The following RYR1 variants were observed in gnomAD, a reference collection of about 807,000 sequenced individuals.
RYR1 encodes ryanodine receptor 1.
In RYR1, 342 loss-of-function variants were observed where a neutral mutation model predicts 583.5. The ratio of observed to expected loss-of-function variants is 0.59; its 90% CI spans 0.54 to 0.64. The LOEUF is 0.64. RYR1 is among the 30% of genes least tolerant of loss of function. The pLI, the probability that RYR1 is intolerant of heterozygous loss-of-function variation, is 0.00. For missense variants in RYR1, 6,032 were observed against 6,917.2 expected, an observed-to-expected ratio of 0.87 and a Z score of 4.54; for synonymous variants, 2,791 against 2,822.5, an observed-to-expected ratio of 0.99 and a Z score of 0.35.
chr19:38,537,839 A>C (rs199660436), intron 83 of RYR1, 41 bp from the exon 84 acceptor site: 1 of 1,587,814 alleles, frequency 6.3e-7, no homozygotes, highest in East Asian at 2.2e-5. Context: ...GTCTTGGCGC[A>C]TCTGACCCCT....
In RYR1 at chr19:38,511,586, G is replaced by T; in HGVS notation, c.9148G>T (p.Val3050Phe). ...TSLFCKLAAL[V>F]RHRVSLFGTD... is the part of the protein sequence containing the mutation. The stretch of plus-strand genomic sequence containing the variant: ...CCTCTTCTGCAAACTTGCTGCTCTC[G>T]TCCGCCACCGAGTCTCTCTCTTTGG... The change falls in exon 61 of 106, where the codon GTC becomes TTC. Residue 3050 changes from valine (V) to phenylalanine (F), a missense_variant. Physicochemically the swap from Val to Phe is conservative, Grantham distance 50 (BLOSUM62 -1). Transcript: ENST00000359596. The T allele has an allele frequency of 1.2e-6, 2 of 1,613,694 alleles. No individual in the cohort carries two copies.
Position 38,473,710 on chromosome 19 carries a change from G to T in RYR1, c.4099G>T (p.Ala1367Ser). 6.5e-7 allele frequency: 1 copy of T among 1,548,896 alleles called. No homozygotes were observed. Among genetic ancestry groups the T allele is most frequent in the African/African-American group, 1.4e-5 (1 of 73,130 alleles). The change falls in exon 28 of 106, where the codon GCG becomes TCG. Residue 1367 changes from alanine (A) to serine (S), a missense_variant. This residue lies in a region of RYR1 where 2,627 missense variants were observed against 2,961.3 expected (regional missense o/e 0.89). Transcript: ENST00000359596. ...PGGTPQAGGE[A>S]QPARAENEKD... ...GGGCACCCCGCAGGCGGGGGGAGAGGCGCAGCCCGCCAGGGCGGAGAATGA... is the reference window on the plus strand; with the variant it reads ...GGGCACCCCGCAGGCGGGGGGAGAGTCGCAGCCCGCCAGGGCGGAGAATGA...
At chr19:38,537,671 G>A (rs550238244) in intron 83 of RYR1, among the ~76,000 whole-genome samples, 6 of 152,284 alleles carry the variant, frequency 3.9e-5, no homozygotes, top group South Asian at 2.1e-4. Flanking sequence ...TTGGGTCTCC[G>A]TCTGCTGATG....
rs202225176 is a variant in RYR1 at position 38,485,942 on chromosome 19, C to T, written c.5287C>T (p.Pro1763Ser). 2.6e-5 allele frequency: 42 copies of T among 1,613,714 alleles called. No homozygotes were observed. The East Asian group carries it at 8.7e-4, about 33-fold the overall frequency. The part of the protein sequence containing the change: ...TENGHPRHGL[P>S]GVGVTTSLRP... Reference sequence around the variant, plus strand: ...AAATGGTCACCCCCGGCATGGCCTGCCGGGAGTTGGAGTCACCACTTCGCT... The same window carrying T: ...AAATGGTCACCCCCGGCATGGCCTGTCGGGAGTTGGAGTCACCACTTCGCT... The change falls in exon 34 of 106, where the codon CCG (proline) becomes TCG (serine). Residue 1763 changes from proline to serine, a missense_variant. Physicochemically the swap from Pro to Ser is moderately conservative, Grantham distance 74. Transcript: ENST00000359596.
Position 38,473,512 on chromosome 19 carries a change from C to T in RYR1, c.3901C>T (p.Arg1301Cys), listed in dbSNP as rs745920741. ...CCCAGTCCAGTTCCACCAGCACTTCCGCTGCACTGCAGGGGCCACCCCGCT... is the reference window on the plus strand; with the variant it reads ...CCCAGTCCAGTTCCACCAGCACTTCTGCTGCACTGCAGGGGCCACCCCGCT... Reference protein sequence around the residue: ...SLPVQFHQHFRCTAGATPLAP... With the variant: ...SLPVQFHQHFCCTAGATPLAP... Residue 1301 changes from arginine to cysteine, a missense_variant, in exon 28 of 106, where the codon CGC becomes TGC. Transcript: ENST00000359596. 2.7e-5 allele frequency: 44 copies of T among 1,613,142 alleles called. No individual in the cohort carries two copies. Among genetic ancestry groups the T allele is most frequent in the Admixed American group, 5.0e-5 (3 of 59,902 alleles).
Position 38,486,188 on chromosome 19 carries a change from G to A in RYR1, c.5533G>A (p.Val1845Met), listed in dbSNP as rs926669024. ...EFQFVPVLKL[V>M]STLLVMGIFG... is the part of the protein sequence containing the mutation. ...CCAGTTTGTGCCTGTGCTCAAGCTCGTGTCCACCCTGCTGGTAATGGCTTC... is the reference window on the plus strand; with the variant it reads ...CCAGTTTGTGCCTGTGCTCAAGCTCATGTCCACCCTGCTGGTAATGGCTTC... The change falls in exon 34 of 106, where the codon GTG becomes ATG. Residue 1845 changes from valine (V) to methionine (M), a missense_variant. Around this residue, in one of 11 missense-constraint regions of RYR1, gnomAD observed 2,627 missense variants for 2,961.3 expected, o/e 0.89. Coordinates refer to ENST00000359596, the MANE Select transcript of RYR1 (RefSeq NM_000540.3). The A allele has an allele frequency of 3.7e-6, 6 of 1,612,790 alleles. No homozygotes were observed. The highest frequency in any genetic ancestry group is 5.1e-6 in the Non-Finnish European group (6 of 1,179,954).
Position 38,572,071 on chromosome 19 carries a change from A to T in RYR1, c.13799A>T (p.Asp4600Val), listed in dbSNP as rs929800544. The change falls in exon 95 of 106, where the codon GAT (aspartate) becomes GTT (valine). Residue 4600 changes from aspartate to valine, a missense_variant. By Grantham distance (152) the Asp-to-Val change is radical. Transcript: ENST00000359596. ...EDDMEGSAAG[D>V]VSGAGSGGSS... ...GACATGGAAGGCTCAGCTGCTGGGG[A>T]TGTGTCAGGTGCAGGCTCTGGTGGC... 2.0e-5 allele frequency: 33 copies of T among 1,613,944 alleles called. No homozygotes were observed. Among genetic ancestry groups the T allele is most frequent in the Non-Finnish European group, 2.8e-5 (33 of 1,180,026 alleles).
chr19:38,526,190 G>A (rs1470604608), intron 71 of RYR1, among the ~76,000 whole-genome samples: 1 of 151,882 alleles, frequency 6.6e-6, no homozygotes, highest in African/African-American at 2.4e-5. Flanking sequence ...AACCTCTTAA[G>A]CTTGCTGGGA....
Position 38,525,376 on chromosome 19 carries a change from G to C in RYR1, c.10500G>C (p.Gly3500=). The C allele has an allele frequency of 6.2e-7, 1 of 1,613,950 alleles. No homozygotes were observed. The highest frequency in any genetic ancestry group is 8.5e-7 in the Non-Finnish European group (1 of 1,179,954). The change falls in exon 71 of 106, where the codon GGG becomes GGC. Residue 3500 remains glycine (G), a synonymous_variant. Coordinates refer to ENST00000359596, the MANE Select transcript of RYR1 (RefSeq NM_000540.3). ...AACGCACCAAGAAGAAGCGCCGGGGGGACCGGTACTCTGTGCAGACGTCAC... is the reference window on the plus strand; with the variant it reads ...AACGCACCAAGAAGAAGCGCCGGGGCGACCGGTACTCTGTGCAGACGTCAC... ...DQERTKKKRR[G]DRYSVQTSLI...
chr19:38,549,794 C>T (rs1972585158), intron 89 of RYR1, among the ~76,000 whole-genome samples: 2 of 146,934 alleles, frequency 1.4e-5, no homozygotes, highest in Non-Finnish European at 3.0e-5. Context: ...CAACCTCCGC[C>T]TCCTGGGTTC....
At position 38,446,753 on chromosome 19, in the gene RYR1, A is replaced by G; in HGVS notation, c.785A>G (p.Glu262Gly). Reference protein sequence around the residue: ...CTHARSLWRLEPLRISWSGSH... With the variant: ...CTHARSLWRLGPLRISWSGSH... The stretch of plus-strand genomic sequence containing the variant: ...CATGCCCGCTCCCTCTGGAGGCTGG[A>G]GCCACTGAGAATCAGGTAGGGCGGG... Residue 262 changes from glutamate to glycine, a missense_variant, in exon 9 of 106, where the codon GAG becomes GGG. Transcript: ENST00000359596. 1.9e-6 allele frequency: 3 copies of G among 1,613,694 alleles called. No individual in the cohort carries two copies. Among genetic ancestry groups the G allele is most frequent in the Non-Finnish European group, 2.5e-6 (3 of 1,179,866 alleles).
intron 11 of RYR1, 91 bp downstream of exon 11, chr19:38,448,904 AC>A (rs1424908724): frequency 4.0e-6 from 5 of 1,237,484 alleles, no homozygotes; most frequent in Admixed American, 2.0e-5. Flanking sequence ...TGATCATGCC[AC>A]TGTACTCCAG....
At position 38,444,757 on chromosome 19, in the gene RYR1, G is replaced by A. The variant is rs1041455633; in HGVS notation, c.631+80G>A. The A allele has an allele frequency of 1.8e-6, 2 of 1,095,220 alleles. No individual in the cohort carries two copies. The highest frequency in any genetic ancestry group is 1.4e-6 in the Non-Finnish European group (1 of 731,594). 67.8% of individuals were successfully genotyped at this position (1,095,220 alleles called of 1,614,324 possible). On this transcript the variant is annotated intron_variant, in intron 7 of 105. Transcript: ENST00000359596. The surrounding 1 kb of genome is among the most constrained non-coding windows in gnomAD (Gnocchi z 5.1). ...TGTTGCCCTTCAGGCATACCCAAAT[G>A]GAGCCTTGGAACCTCAGACCTCAAA... is the stretch of plus-strand genomic sequence containing the variant.
At position 38,506,759 on chromosome 19, in the gene RYR1, C is replaced by A; in HGVS notation, c.8693-70C>A. The A allele has an allele frequency of 5.6e-6, 9 of 1,609,120 alleles. No homozygotes were observed. In the South Asian group the frequency reaches 9.9e-5, roughly 18 times the overall value. ...CCATAATTACGCATGCCGGGCACTG[C>A]AGGAACCACTTCAGTGAGAGTGGCC... On this transcript the variant is annotated intron_variant, in intron 56 of 105. Coordinates refer to ENST00000359596, the MANE Select transcript of RYR1 (RefSeq NM_000540.3).
chr19:38,550,259 G>A (rs1437938491), intron 89 of RYR1, among the ~76,000 whole-genome samples: 2 of 152,078 alleles, frequency 1.3e-5, no homozygotes, highest in Non-Finnish European at 2.9e-5. Flanking sequence ...ACCAGGGATT[G>A]TATTTAGGTG....
chr19:38,565,785 C>G lies in RYR1; in HGVS notation c.13437+14C>G. ...AGGAAATTGGGGGTGAGAGAGCAGG[C>G]GGGGTTTTGGGGTTTTGGAAAGATG... On this transcript the variant is annotated intron_variant, in intron 91 of 105. Coordinates refer to ENST00000359596, the MANE Select transcript of RYR1 (RefSeq NM_000540.3). This position sits in a 1 kb window ranked among gnomAD's most constrained non-coding sequence, Gnocchi z 4.7. 1 of 1,375,002 alleles carries G rather than the reference C, an allele frequency of 7.3e-7. No homozygotes were observed. Among genetic ancestry groups the G allele is most frequent in the Non-Finnish European group, 9.3e-7 (1 of 1,072,792 alleles). The allele number at this position is 1,375,002 out of a possible 1,614,324, so 85.2% of individuals were successfully genotyped here.
intron 57 of RYR1, 33 bp downstream of exon 57, chr19:38,506,985 C>T: frequency 6.2e-7 from 1 of 1,611,884 alleles, no homozygotes; most frequent in Non-Finnish European, 8.5e-7. Context: ...GGAAGAGCAG[C>T]AGGCAGAACA....
intron 84 of RYR1, among the ~76,000 whole-genome samples, chr19:38,539,363 C>T (rs1404756716): frequency 2.0e-5 from 3 of 151,590 alleles, no homozygotes; most frequent in African/African-American, 7.3e-5. Context: ...CTCAGCCTCC[C>T]GAGTATCCAG....
Position 38,561,302 on chromosome 19 carries a change from C to G in RYR1, c.12472C>G (p.Arg4158Gly). 1 of 1,614,034 alleles carries G rather than the reference C, an allele frequency of 6.2e-7. No homozygotes were observed. Among genetic ancestry groups the G allele is most frequent in the Non-Finnish European group, 8.5e-7 (1 of 1,180,038 alleles). Reference sequence around the variant, plus strand: ...GTCGGAGCATGTGCCGCATGACCCTCGCCTGCACAACTTCCTGGAGCTGGC... The same window carrying G: ...GTCGGAGCATGTGCCGCATGACCCTGGCCTGCACAACTTCCTGGAGCTGGC... The part of the protein sequence containing the change: ...NLSEHVPHDP[R>G]LHNFLELAES... Residue 4158 changes from arginine to glycine, a missense_variant, in exon 90 of 106, where the codon CGC becomes GGC. Arg to Gly is a moderately radical substitution (Grantham distance 125). Transcript: ENST00000359596. The surrounding 1 kb of genome is among the most constrained non-coding windows in gnomAD (Gnocchi z 4.8).
Sources: allele counts gnomAD v4.1 joint callset (sites outside exome capture counted in the v4.1 genomes callset), GRCh38; gene constraint gnomAD v4.1.1; regional missense constraint gnomAD v4.1.1; non-coding constraint Gnocchi (gnomAD v3.1); transcripts MANE v1.5; gene names NCBI Gene and HGNC (gene_info 2026-07-23, HGNC 2026-07-21).